Variants in THRB observed in about 807,000 individuals in gnomAD.
The protein encoded by THRB is nuclear receptor subfamily 1 group A member 2.
THRB carries 12 observed loss-of-function variants against 47.8 expected under a neutral mutation model. The ratio of observed to expected loss-of-function variants is 0.25; its 90% CI spans 0.16 to 0.41. The LOEUF (loss-of-function observed/expected upper bound fraction) is 0.41. THRB is among the 10% of genes least tolerant of loss of function. The pLI, the probability that THRB is intolerant of heterozygous loss-of-function variation, is 1.00. For missense variants in THRB, 348 were observed against 589.2 expected (o/e 0.59, Z 4.24); for synonymous variants, 218 against 212.2 (o/e 1.03, Z -0.24).
chr3:24,482,541 CT>C (rs1339702310), intron 1 of THRB, among the ~76,000 whole-genome samples: 134 of 135,680 alleles, frequency 9.9e-4, no homozygotes, highest in African/African-American at 3.9e-3. Context: ...CTGTCTCCCT[CT>C]CTCTCTCTCT....
chr3:24,328,597 A>G (rs1480739977), intron 2 of THRB, among the ~76,000 whole-genome samples: 1 of 152,130 alleles, frequency 6.6e-6, no homozygotes, highest in Non-Finnish European at 1.5e-5. Context: ...TGCTTCCCAC[A>G]TTCTATCAAT....
intron 1 of THRB, among the ~76,000 whole-genome samples, chr3:24,456,252 T>A (rs1260355132): frequency 1.3e-5 from 2 of 151,896 alleles, no homozygotes; most frequent in Non-Finnish European, 2.9e-5. Flanking sequence ...GGAGGATTGC[T>A]TGACCCCAGG....
intron 1 of THRB, among the ~76,000 whole-genome samples, chr3:24,339,254 T>C (rs1432208526): frequency 6.6e-6 from 1 of 152,238 alleles, no homozygotes; most frequent in Non-Finnish European, 1.5e-5. Flanking sequence ...AATTCTCATA[T>C]AATTAATAAG....
chr3:24,392,723 C>T (rs1391665474), intron 1 of THRB, among the ~76,000 whole-genome samples: 4 of 151,992 alleles, frequency 2.6e-5, no homozygotes, highest in Admixed American at 2.6e-4. Flanking sequence ...GTATTTTAGT[C>T]TTTACATAGT....
intron 5 of THRB, among the ~76,000 whole-genome samples, chr3:24,174,385 C>T (rs2040859765): frequency 1.3e-5 from 2 of 152,088 alleles, no homozygotes; most frequent in Non-Finnish European, 1.5e-5. Context: ...TTTAATTAAA[C>T]TAATCATTTC....
chr3:24,178,744 G>C (rs2041499929), intron 5 of THRB, among the ~76,000 whole-genome samples: 1 of 152,134 alleles, frequency 6.6e-6, no homozygotes, highest in Non-Finnish European at 1.5e-5. Context: ...GACTAGAGTA[G>C]AATGGTGATA....
rs746323691 is a variant in THRB at position 24,481,229 on chromosome 3, G to GTTTTTTTTTTTTTTTTTTT, written c.-261+13404_-261+13422dup. On this transcript the variant is annotated intron_variant, in intron 1 of 10. Transcript: ENST00000646209. ...TATATGTGTGGATGCGTTTCTTTCT[G>GTTTTTTTTTTTTTTTTTTT]TTTTTTTTTTTTTTTTTTTTTTTTT... is the stretch of plus-strand genomic sequence containing the variant. Among the ~76,000 whole-genome samples the GTTTTTTTTTTTTTTTTTTT allele has an allele frequency of 2.9e-4, 16 of 55,366 alleles. 1 individual carries two copies. The highest frequency in any genetic ancestry group is 8.4e-4 in the African/African-American group (11 of 13,074). 36.3% of individuals were successfully genotyped at this position (55,366 alleles called of 152,430 possible).
At chr3:24,165,610 T>G (rs2039546497) in intron 5 of THRB, 1 of 423,450 alleles carries the variant, frequency 2.4e-6, no homozygotes, top group Non-Finnish European at 4.2e-6. Flanking sequence ...CCAAACATAT[T>G]GGAAAGCAGA....
intron 4 of THRB, among the ~76,000 whole-genome samples, chr3:24,222,115 T>C (rs1196442126): frequency 2.6e-5 from 4 of 152,190 alleles, no homozygotes; most frequent in African/African-American, 7.2e-5. Flanking sequence ...TTCCTGGTGG[T>C]CTCTTGATTT....
At chr3:24,162,557 C>T (rs1011284306) in intron 5 of THRB, among the ~76,000 whole-genome samples, 6 of 152,168 alleles carry the variant, frequency 3.9e-5, no homozygotes, top group African/African-American at 9.6e-5. Flanking sequence ...AAAATTACAT[C>T]GGTTTTCCCC....
chr3:24,267,368 C>T (rs1341542081), intron 3 of THRB, among the ~76,000 whole-genome samples: 2 of 149,328 alleles, frequency 1.3e-5, no homozygotes, highest in Admixed American at 6.6e-5. Flanking sequence ...GAAACTTTTC[C>T]TGAAAAAAAA....
At chr3:24,157,728 T>C (rs2038079152) in intron 5 of THRB, among the ~76,000 whole-genome samples, 1 of 152,050 alleles carries the variant, frequency 6.6e-6, no homozygotes, top group African/African-American at 2.4e-5. Context: ...GATGGGGTCT[T>C]GCTATGTTTC....
chr3:24,275,401 T>C (rs2053808366), intron 3 of THRB, among the ~76,000 whole-genome samples: 1 of 152,230 alleles, frequency 6.6e-6, no homozygotes, highest in Non-Finnish European at 1.5e-5. Flanking sequence ...CAGGACACTC[T>C]GAACTTTCTT....
intron 4 of THRB, among the ~76,000 whole-genome samples, chr3:24,227,209 A>G (rs2047744357): frequency 6.6e-6 from 1 of 152,136 alleles, no homozygotes; most frequent in Non-Finnish European, 1.5e-5. Context: ...GTCCTCCTTT[A>G]TCAGAAAGGA....
intron 2 of THRB, among the ~76,000 whole-genome samples, chr3:24,322,665 G>A (rs547295946): frequency 3.2e-4 from 48 of 152,274 alleles, no homozygotes; most frequent in African/African-American, 1.1e-3. Context: ...TTGCTCAGGT[G>A]CAAAGGAATA....
At chr3:24,154,943 G>A (rs777674262) in intron 5 of THRB, among the ~76,000 whole-genome samples, 1 of 152,202 alleles carries the variant, frequency 6.6e-6, no homozygotes, top group Non-Finnish European at 1.5e-5. Flanking sequence ...GAACACTGCT[G>A]TACTTGTGGG....
intron 1 of THRB, among the ~76,000 whole-genome samples, chr3:24,379,018 C>T (rs897668012): frequency 1.6e-4 from 24 of 152,198 alleles, no homozygotes; most frequent in African/African-American, 5.8e-4. Flanking sequence ...CTTATAGCAA[C>T]TCAATGAGGA....
chr3:24,402,540 C>G (rs1470404138), intron 1 of THRB, among the ~76,000 whole-genome samples: 1 of 124,500 alleles, frequency 8.0e-6, no homozygotes, highest in African/African-American at 3.0e-5. Context: ...TCCTCAATAA[C>G]AAAAGTAGAA....
intron 5 of THRB, among the ~76,000 whole-genome samples, chr3:24,176,498 C>A (rs924894765): frequency 2.0e-5 from 3 of 152,120 alleles, no homozygotes; most frequent in Admixed American, 2.0e-4. Context: ...CCCTTAAGAA[C>A]AACTAGTGCA....
Sources: gnomAD v4.1 joint callset for allele counts (sites outside exome capture counted in the v4.1 genomes callset) on GRCh38, gnomAD v4.1.1 for gene constraint, MANE v1.5 for transcripts, NCBI Gene and HGNC (gene_info 2026-07-23, HGNC 2026-07-21) for gene names.